MRPS6: variants seen among roughly 807,000 people sequenced by gnomAD.
The protein encoded by MRPS6 is small ribosomal subunit protein bS6m.
MRPS6 carries 6 observed loss-of-function variants against 13.1 expected under a neutral mutation model. That is an observed-to-expected ratio of 0.46 (90% CI 0.25 to 0.91). The LOEUF is 0.91. Among genes scored for constraint, MRPS6 ranks in the 40% least tolerant of loss-of-function variants. MRPS6 has a pLI of 0.18. For synonymous variants in MRPS6, 61 were observed against 56.5 expected (o/e 1.08, Z -0.36); for missense variants, 164 against 155.6 (o/e 1.05, Z -0.29).
At chr21:34,100,160 G>GGA in intron 1 of MRPS6, 2 of 999,802 alleles carry the variant, frequency 2.0e-6, no homozygotes, top group Non-Finnish European at 2.4e-6. Context: ...AATGAGGTGA[G>GGA]GACACTGGTC....
At position 34,089,964 on chromosome 21, in the gene MRPS6, T is replaced by G. The variant is rs57521852; in HGVS notation, c.45+16219T>G. Among the ~76,000 whole-genome samples, 413 of 152,318 alleles carry G rather than the reference T, an allele frequency of 2.7e-3. 2 individuals carry two copies. The highest frequency in any genetic ancestry group is 9.3e-3 in the African/African-American group (385 of 41,560). On this transcript the variant is annotated intron_variant, in intron 1 of 2. Coordinates refer to ENST00000399312, the MANE Select transcript of MRPS6 (RefSeq NM_032476.4). The stretch of plus-strand genomic sequence containing the variant: ...TTAAATGCTTGGGACCAGAAGTGTT[T>G]TGGATTGTGGGATATTGCATATTAC...
rs571703723 is a variant in MRPS6 at position 34,075,486 on chromosome 21, T to C, written c.45+1741T>C. Among the ~76,000 whole-genome samples, 4 of 152,204 alleles carry C rather than the reference T, an allele frequency of 2.6e-5. No homozygotes were observed. In the East Asian group the frequency reaches 7.7e-4, roughly 29 times the overall value. On this transcript the variant is annotated intron_variant, in intron 1 of 2. Coordinates refer to ENST00000399312, the MANE Select transcript of MRPS6 (RefSeq NM_032476.4). ...CACTCTAGTTCAGATCAACAGAGCGTAATTTGGTTAAAATAATAAATAACC... is the reference window on the plus strand; with the variant it reads ...CACTCTAGTTCAGATCAACAGAGCGCAATTTGGTTAAAATAATAAATAACC...
chr21:34,106,971 G>A (rs373117778), intron 1 of MRPS6, among the ~76,000 whole-genome samples: 9 of 151,654 alleles, frequency 5.9e-5, no homozygotes, highest in South Asian at 4.2e-4. Flanking sequence ...TTGCTCTGTC[G>A]CCCAGGCTGG....
chr21:34,095,387 G>A (rs1569416380), intron 1 of MRPS6: 3 of 1,614,002 alleles, frequency 1.9e-6, no homozygotes, highest in Non-Finnish European at 2.5e-6. Flanking sequence ...TTGGGAGTGA[G>A]CACTTCATTG....
At chr21:34,080,996 G>A (rs925555519) in intron 1 of MRPS6, among the ~76,000 whole-genome samples, 4 of 152,148 alleles carry the variant, frequency 2.6e-5, no homozygotes, top group Non-Finnish European at 4.4e-5. Flanking sequence ...TATCATGTGA[G>A]CTGATGAAAT....
rs189846818 is a variant in MRPS6, at chr21:34,138,277, A to C, written c.186-4131A>C. 8.0e-4 allele frequency among the ~76,000 whole-genome samples: 122 copies of C among 152,132 alleles called. 1 individual carries two copies. The highest frequency in any genetic ancestry group is 3.4e-3 in the Middle Eastern group (1 of 294). ...TTAGTTTAATTAGATCCCATTGGTC[A>C]ATTTTGGCTTTTGTTGCCATTGCTT... On this transcript the variant is annotated intron_variant, in intron 2 of 2. Coordinates refer to ENST00000399312, the MANE Select transcript of MRPS6 (RefSeq NM_032476.4).
chr21:34,116,338 TTTC>T (rs1302428205), intron 1 of MRPS6, among the ~76,000 whole-genome samples: 1 of 150,328 alleles, frequency 6.7e-6, no homozygotes, highest in East Asian at 1.9e-4. Flanking sequence ...TTTTTTTTAA[TTTC>T]TATAGGTGTT....
chr21:34,095,335 T>C (rs778022557), intron 1 of MRPS6: 1 of 1,614,180 alleles, frequency 6.2e-7, no homozygotes, highest in Admixed American at 1.7e-5. Context: ...GGGCGCTCTA[T>C]GACCTGGGTA....
At chr21:34,121,501 A>AT (rs1213156641) in intron 1 of MRPS6, among the ~76,000 whole-genome samples, 3 of 150,580 alleles carry the variant, frequency 2.0e-5, no homozygotes, top group East Asian at 3.9e-4. Context: ...TTCTTTCTGT[A>AT]TTTTTTTTTC....
intron 1 of MRPS6, chr21:34,098,836 T>C: frequency 5.0e-6 from 5 of 1,000,010 alleles, no homozygotes; most frequent in Non-Finnish European, 6.0e-6. Flanking sequence ...AACACTGTCC[T>C]TTGTCCTCCA....
At chr21:34,139,179 A>C (rs1980814948) in intron 2 of MRPS6, among the ~76,000 whole-genome samples, 1 of 103,940 alleles carries the variant, frequency 9.6e-6, no homozygotes, top group Non-Finnish European at 1.8e-5. Context: ...CACTCTGGGG[A>C]CTGTTGTGGG....
rs768293232 is a variant in MRPS6 at position 34,125,329 on chromosome 21, A to G, written c.46-12A>G. ...TTTTTTTTCTTTTCTTTAAAAACAC[A>G]AACAAAAACAGCCAGAGACTGCTGC... On this transcript the variant is annotated splice_polypyrimidine_tract_variant and intron_variant, in intron 1 of 2. Transcript: ENST00000399312. The G allele has an allele frequency of 1.3e-6, 2 of 1,598,206 alleles. No homozygotes were observed. The highest frequency in any genetic ancestry group is 2.3e-5 in the South Asian group (2 of 87,680).
chr21:34,110,728 C>T (rs1000989548), intron 1 of MRPS6, among the ~76,000 whole-genome samples: 1 of 152,124 alleles, frequency 6.6e-6, no homozygotes, highest in Non-Finnish European at 1.5e-5. Flanking sequence ...TCATTTTTGT[C>T]AATACGTGTT....
intron 1 of MRPS6, chr21:34,104,704 G>A: frequency 1.0e-6 from 1 of 1,000,300 alleles, no homozygotes; most frequent in Non-Finnish European, 1.2e-6. Context: ...GGGGGGATGA[G>A]GGGAAGAAGA....
chr21:34,098,463 A>AT lies in MRPS6; in HGVS notation c.45+24728dup, dbSNP rs143708036. On this transcript the variant is annotated intron_variant, in intron 1 of 2. Coordinates refer to ENST00000399312, the MANE Select transcript of MRPS6 (RefSeq NM_032476.4). ...TGCATCCTTGATAAGTTTTTCCCTG[A>AT]TTTTTTTTTTCCTCAAAAGACTTTC... The AT allele has an allele frequency of 4.7e-3, 4,501 of 953,142 alleles. 100 individuals carry two copies. The African/African-American group carries it at 0.059, about 12-fold the overall frequency. The allele number at this position is 953,142 out of a possible 1,614,324, so 59.0% of individuals were successfully genotyped here.
chr21:34,096,283 G>T lies in MRPS6; in HGVS notation c.45+22538G>T. 6.2e-7 allele frequency: 1 copy of T among 1,614,138 alleles called. No individual in the cohort carries two copies. The highest frequency in any genetic ancestry group is 8.5e-7 in the Non-Finnish European group (1 of 1,180,010). ...CTGGTGATGAAGCTGGTTCCTGTGG[G>T]CCTTCGGGGTTTAATGATGGCAGTG... On this transcript the variant is annotated intron_variant, in intron 1 of 2. Transcript: ENST00000399312. The surrounding 1 kb of genome is among the most constrained non-coding windows in gnomAD (Gnocchi z 5.9).
Position 34,142,778 on chromosome 21 carries a change from C to T in MRPS6, c.*178C>T. 1 of 586,910 alleles carries T rather than the reference C, an allele frequency of 1.7e-6. No individual in the cohort carries two copies. The highest frequency in any genetic ancestry group is 2.7e-6 in the Non-Finnish European group (1 of 372,766). 36.4% of individuals were successfully genotyped at this position (586,910 alleles called of 1,614,324 possible). ...TGCTTGCGAGAGGTGGGGAACTGCTCACTGACAGCTTCTCTGTAACCTGCA... is the reference window on the plus strand; with the variant it reads ...TGCTTGCGAGAGGTGGGGAACTGCTTACTGACAGCTTCTCTGTAACCTGCA... On this transcript the variant is annotated 3_prime_UTR_variant, in exon 3 of 3. Transcript: ENST00000399312.
chr21:34,100,533 T>G (rs1007257200), intron 1 of MRPS6: 19 of 1,000,154 alleles, frequency 1.9e-5, no homozygotes, highest in Non-Finnish European at 2.3e-5. Context: ...CCTTTTCACT[T>G]GGCTCAAAGG....
chr21:34,102,977 T>G, intron 1 of MRPS6: 1 of 998,902 alleles, frequency 1.0e-6, no homozygotes, highest in Non-Finnish European at 1.2e-6. Context: ...GATAAAAGAG[T>G]GTTTACTTTT....
Sources: gnomAD v4.1 joint callset for allele counts (sites outside exome capture counted in the v4.1 genomes callset) on GRCh38, gnomAD v4.1.1 for gene constraint, Gnocchi (gnomAD v3.1) non-coding constraint, MANE v1.5 for transcripts, NCBI Gene and HGNC (gene_info 2026-07-23, HGNC 2026-07-21) for gene names.